Variants in IL1RAPL1 observed in about 807,000 individuals in gnomAD.
IL1RAPL1 encodes interleukin 1 receptor accessory protein like 1, also known as interleukin-1 receptor accessory protein-like 1.
A neutral mutation model predicts 48.4 loss-of-function variants in IL1RAPL1; 3 were observed. That is an observed-to-expected ratio of 0.06 (90% CI 0.03 to 0.16). The LOEUF is 0.16. IL1RAPL1 is among the 10% of genes least tolerant of loss of function. The pLI is 1.00. For missense variants in IL1RAPL1, 349 were observed against 530.6 expected, an observed-to-expected ratio of 0.66 and a Z score of 3.36; for synonymous variants, 185 against 187.7, an observed-to-expected ratio of 0.99 and a Z score of 0.12.
chrX:28,616,437 CTT>C (rs1335496099), intron 1 of IL1RAPL1, among the ~76,000 whole-genome samples: 12 of 100,056 alleles, frequency 1.2e-4, no homozygotes, highest in Admixed American at 1.1e-4. Context: ...ATTTTTCTTT[CTT>C]TTTTTTTTTT....
chrX:29,300,487 C>T (rs193032014), intron 3 of IL1RAPL1, among the ~76,000 whole-genome samples: 75 of 112,206 alleles, frequency 6.7e-4, no homozygotes, highest in Admixed American at 1.7e-3. Flanking sequence ...AACTATTTAC[C>T]TCTTAGGCTA....
intron 9 of IL1RAPL1, among the ~76,000 whole-genome samples, chrX:29,943,012 C>T (rs757034937): frequency 3.6e-5 from 4 of 110,460 alleles, no homozygotes; most frequent in South Asian, 3.9e-4. Context: ...TATGTTGCCA[C>T]GTTTCCAGGG....
rs1334914618 is a variant in IL1RAPL1 at position 28,615,517 on chromosome X, T to A, written c.-25+27470T>A. Among the ~76,000 whole-genome samples, 6 of 110,274 alleles carry A rather than the reference T, an allele frequency of 5.4e-5. No individual in the cohort carries two copies. The East Asian group carries it at 1.7e-3, about 32-fold the overall frequency. The stretch of plus-strand genomic sequence containing the variant: ...ATGGCATTTTTGAAACATAGCCCTA[T>A]AAATAATAAACATGCTTCCAAGTTC... On this transcript the variant is annotated intron_variant, in intron 1 of 10. Coordinates refer to ENST00000378993, the MANE Select transcript of IL1RAPL1 (RefSeq NM_014271.4).
intron 2 of IL1RAPL1, among the ~76,000 whole-genome samples, chrX:28,944,949 T>C (rs1245551021): frequency 9.1e-6 from 1 of 110,118 alleles, no homozygotes; most frequent in African/African-American, 3.3e-5. Flanking sequence ...ACACACACAC[T>C]GTGTGTGTGT....
At chrX:29,075,679 C>T (rs953393710) in intron 2 of IL1RAPL1, among the ~76,000 whole-genome samples, 2 of 111,751 alleles carry the variant, frequency 1.8e-5, no homozygotes, top group Admixed American at 1.9e-4. Context: ...TCAACTTCTA[C>T]ATAGAAAATG....
chrX:29,769,430 T>G (rs1046405082), intron 6 of IL1RAPL1, among the ~76,000 whole-genome samples: 1 of 45,252 alleles, frequency 2.2e-5, no homozygotes, highest in Admixed American at 2.4e-4. Flanking sequence ...CCAAACAGTT[T>G]TTTTTTTTTT....
rs144168747 is a variant in IL1RAPL1, at chrX:29,417,538, T to C, written c.703+18230T>C. Among the ~76,000 whole-genome samples, 90 of 111,886 alleles carry C rather than the reference T, an allele frequency of 8.0e-4. No homozygotes were observed. In the East Asian group the frequency reaches 0.021, roughly 26 times the overall value. On this transcript the variant is annotated intron_variant, in intron 5 of 10. Coordinates refer to ENST00000378993, the MANE Select transcript of IL1RAPL1 (RefSeq NM_014271.4). The stretch of plus-strand genomic sequence containing the variant: ...CTTAATTAGAAGACCTTACTGTATA[T>C]TTCTTTATCATTTGTTGGGTTGATC...
chrX:29,642,238 G>T (rs1013517969), intron 5 of IL1RAPL1, among the ~76,000 whole-genome samples: 26 of 111,935 alleles, frequency 2.3e-4, no homozygotes, highest in Non-Finnish European at 5.6e-5. Context: ...GAGAAGTGAG[G>T]CATCTTACTC....
intron 6 of IL1RAPL1, among the ~76,000 whole-genome samples, chrX:29,683,715 G>A (rs372158545): frequency 8.0e-5 from 9 of 111,991 alleles, no homozygotes; most frequent in East Asian, 5.6e-4. Context: ...TATTTAAAAT[G>A]GTCTATTCTT....
At position 29,319,862 on chromosome X, in the gene IL1RAPL1, A is replaced by G. The variant is rs1362306947; in HGVS notation, c.362+36645A>G. ...GTTCTCATGAAGTTTATGACATTTT[A>G]ATTTAATTTTATTTTGTTACTTTTC... is the stretch of plus-strand genomic sequence containing the variant. On this transcript the variant is annotated intron_variant, in intron 3 of 10. Coordinates refer to ENST00000378993, the MANE Select transcript of IL1RAPL1 (RefSeq NM_014271.4). Among the ~76,000 whole-genome samples, 4 of 111,320 alleles carry G rather than the reference A, an allele frequency of 3.6e-5. No homozygotes were observed. In the Admixed American group the frequency reaches 3.8e-4, roughly 11 times the overall value.
chrX:29,160,805 G>A (rs1929667703), intron 2 of IL1RAPL1, among the ~76,000 whole-genome samples: 1 of 112,445 alleles, frequency 8.9e-6, no homozygotes, highest in African/African-American at 3.2e-5. Flanking sequence ...TGTCATCCCA[G>A]CACTTTGGGA....
intron 1 of IL1RAPL1, among the ~76,000 whole-genome samples, chrX:28,730,227 C>T (rs1364545292): frequency 9.0e-6 from 1 of 111,219 alleles, no homozygotes; most frequent in African/African-American, 3.3e-5. Flanking sequence ...AGGAAATTCC[C>T]CTGCTTAACT....
chrX:29,176,869 G>A (rs756896340), intron 2 of IL1RAPL1, among the ~76,000 whole-genome samples: 4 of 111,120 alleles, frequency 3.6e-5, no homozygotes, highest in African/African-American at 9.8e-5. Context: ...AGATTGGACC[G>A]TGATTCAAAT....
Position 29,343,860 on chromosome X carries a change from T to C in IL1RAPL1, c.363-52398T>C, listed in dbSNP as rs184280845. Among the ~76,000 whole-genome samples the C allele has an allele frequency of 3.4e-3, 378 of 111,480 alleles. 1 individual carries two copies. Among genetic ancestry groups the C allele is most frequent in the Non-Finnish European group, 6.0e-3 (321 of 53,093 alleles). On this transcript the variant is annotated intron_variant, in intron 3 of 10. Transcript: ENST00000378993. The stretch of plus-strand genomic sequence containing the variant: ...TTAGCTTTCACTTCTTGGCCCACAT[T>C]AGTCTTTCTCTCTCTCACTTTCTCA...
intron 5 of IL1RAPL1, among the ~76,000 whole-genome samples, chrX:29,507,377 C>CT (rs1467183283): frequency 8.7e-5 from 1 of 11,481 alleles, no homozygotes; most frequent in African/African-American, 3.4e-4. Flanking sequence ...CCTCCCTTCC[C>CT]TCCCCTTCCC....
intron 2 of IL1RAPL1, among the ~76,000 whole-genome samples, chrX:28,904,596 T>C: frequency 8.9e-6 from 1 of 112,377 alleles, no homozygotes; most frequent in Non-Finnish European, 1.9e-5. Context: ...TTATACTTCT[T>C]AGCCACAGTT....
intron 5 of IL1RAPL1, among the ~76,000 whole-genome samples, chrX:29,442,264 C>T (rs1030889563): frequency 2.1e-4 from 23 of 110,573 alleles, no homozygotes; most frequent in African/African-American, 7.3e-4. Flanking sequence ...CAAATACTTA[C>T]AGCCAACTGA....
At position 28,759,630 on chromosome X, in the gene IL1RAPL1, T is replaced by A. The variant is rs1005150864; in HGVS notation, c.-24-29690T>A. 2.7e-5 allele frequency among the ~76,000 whole-genome samples: 3 copies of A among 112,037 alleles called. No individual in the cohort carries two copies. The South Asian group carries it at 1.1e-3, about 42-fold the overall frequency. ...CCTTTTTTCGTACCAACTGTACGTA[T>A]TTTAGGATAATCACATTGGAAATAC... On this transcript the variant is annotated intron_variant, in intron 1 of 10. Transcript: ENST00000378993.
At chrX:29,197,090 G>C (rs749928590) in intron 2 of IL1RAPL1, among the ~76,000 whole-genome samples, 1 of 109,894 alleles carries the variant, frequency 9.1e-6, no homozygotes, top group East Asian at 2.9e-4. Flanking sequence ...GGCCCTTTAG[G>C]TTACATCTAT....
Sources: allele counts gnomAD v4.1 joint callset (sites outside exome capture counted in the v4.1 genomes callset), GRCh38; gene constraint gnomAD v4.1.1; transcripts MANE v1.5; gene names NCBI Gene and HGNC (gene_info 2026-07-23, HGNC 2026-07-21).